The following SDCCAG8 variants were observed in gnomAD, a reference collection of about 807,000 sequenced individuals.
SDCCAG8 encodes SHH signaling and ciliogenesis regulator SDCCAG8.
Under a neutral mutation model 101.8 loss-of-function variants are expected in SDCCAG8, and 74 were observed. The observed-to-expected ratio is 0.73, with a 90% CI of 0.60 to 0.88. The LOEUF (loss-of-function observed/expected upper bound fraction) is 0.88, where lower values mean the gene tolerates loss of function less well. Among genes scored for constraint, SDCCAG8 ranks in the 40% least tolerant of loss-of-function variants. The pLI is 0.00. For missense variants in SDCCAG8, 787 were observed against 822.6 expected, an observed-to-expected ratio of 0.96 and a Z score of 0.53; for synonymous variants, 281 against 292.9, an observed-to-expected ratio of 0.96 and a Z score of 0.41.
At chr1:243,410,393 G>A (rs1404811519) in intron 13 of SDCCAG8, among the ~76,000 whole-genome samples, 4 of 152,118 alleles carry the variant, frequency 2.6e-5, no homozygotes, top group Non-Finnish European at 5.9e-5. Flanking sequence ...TGCCCCTTCT[G>A]TCTGTATTCC....
chr1:243,419,417 A>G (rs2080833784), intron 15 of SDCCAG8, among the ~76,000 whole-genome samples: 1 of 152,226 alleles, frequency 6.6e-6, no homozygotes, highest in Admixed American at 6.5e-5. Context: ...AAGCAAACAA[A>G]CAAGATTGTA....
intron 16 of SDCCAG8, among the ~76,000 whole-genome samples, chr1:243,427,903 T>C (rs542251585): frequency 1.3e-5 from 2 of 152,320 alleles, no homozygotes; most frequent in East Asian, 1.9e-4. Flanking sequence ...AGAGTAAATA[T>C]TTCGGACTTT....
intron 16 of SDCCAG8, among the ~76,000 whole-genome samples, chr1:243,486,956 G>C (rs1428314826): frequency 6.6e-6 from 1 of 152,250 alleles, no homozygotes; most frequent in Non-Finnish European, 1.5e-5. Flanking sequence ...TTAGCCAGTA[G>C]CTCTCTCCAC....
chr1:243,436,001 T>C (rs189446183), intron 16 of SDCCAG8, among the ~76,000 whole-genome samples: 11 of 152,302 alleles, frequency 7.2e-5, no homozygotes, highest in Non-Finnish European at 1.2e-4. Flanking sequence ...CAGAGTGGTA[T>C]AATTGTTACA....
At chr1:243,447,211 G>A (rs750591498) in intron 16 of SDCCAG8, among the ~76,000 whole-genome samples, 33 of 131,464 alleles carry the variant, frequency 2.5e-4, no homozygotes, top group Non-Finnish European at 3.8e-4. Context: ...ATCGCGCCAC[G>A]GCACTCCAGC....
intron 4 of SDCCAG8, among the ~76,000 whole-genome samples, chr1:243,278,962 A>T (rs755306562): frequency 3.2e-4 from 49 of 151,728 alleles, no homozygotes; most frequent in East Asian, 9.7e-4. Flanking sequence ...TATTATTATT[A>T]TTATTATTTG....
intron 12 of SDCCAG8, among the ~76,000 whole-genome samples, chr1:243,359,748 A>G (rs2076590567): frequency 6.6e-6 from 1 of 152,192 alleles, no homozygotes; most frequent in African/African-American, 2.4e-5. Flanking sequence ...CTGTTGATTG[A>G]GTGAATGCAT....
intron 16 of SDCCAG8, among the ~76,000 whole-genome samples, chr1:243,446,943 A>C (rs901475969): frequency 6.6e-6 from 1 of 152,096 alleles, no homozygotes; most frequent in African/African-American, 2.4e-5. Context: ...TGGGTTTAGG[A>C]AACTCTTGGA....
At chr1:243,447,419 G>A (rs889138993) in intron 16 of SDCCAG8, among the ~76,000 whole-genome samples, 3 of 151,980 alleles carry the variant, frequency 2.0e-5, no homozygotes, top group Admixed American at 6.6e-5. Context: ...TTATTTTGGG[G>A]GAGGAAGGGG....
chr1:243,307,413 G>A (rs1326307757), intron 7 of SDCCAG8: 1 of 982,916 alleles, frequency 1.0e-6, no homozygotes, highest in East Asian at 1.1e-4. Flanking sequence ...ACAGATCTTT[G>A]TAGAAGTTTG....
intron 3 of SDCCAG8, among the ~76,000 whole-genome samples, chr1:243,273,306 C>T (rs2068245573): frequency 6.6e-6 from 1 of 152,096 alleles, no homozygotes; most frequent in Admixed American, 6.5e-5. Context: ...TTCAAGCTTT[C>T]CTCTGGCTTT....
At chr1:243,459,953 C>T (rs1294059122) in intron 16 of SDCCAG8, among the ~76,000 whole-genome samples, 7 of 152,044 alleles carry the variant, frequency 4.6e-5, no homozygotes, top group East Asian at 1.9e-4. Flanking sequence ...TAAATGGTGA[C>T]GTGGTAATTC....
Position 243,261,858 on chromosome 1 carries a change from CTTTTTTT to C in SDCCAG8, c.67+5628_67+5634del, listed in dbSNP as rs371602212. On this transcript the variant is annotated intron_variant, in intron 1 of 17. Transcript: ENST00000366541. Reference sequence around the variant, plus strand: ...ATATATTCATGTGGCTTTTCTTTTTCTTTTTTTTTTTTTTTTAATCTCAGCTCACTGC... The same window carrying C: ...ATATATTCATGTGGCTTTTCTTTTTCTTTTTTTTTAATCTCAGCTCACTGC... 8.1e-5 allele frequency among the ~76,000 whole-genome samples: 11 copies of C among 136,370 alleles called. No homozygotes were observed. The Middle Eastern group carries it at 0.012, about 144-fold the overall frequency. 89.5% of individuals were successfully genotyped at this position (136,370 alleles called of 152,430 possible). A position where few individuals can be genotyped will look rare whatever the true frequency, so the allele number is the denominator to read the frequency against.
intron 15 of SDCCAG8, among the ~76,000 whole-genome samples, chr1:243,422,794 C>T (rs1044090117): frequency 1.3e-5 from 2 of 152,058 alleles, no homozygotes; most frequent in Middle Eastern, 3.4e-3. Context: ...CATTTTAATC[C>T]GAATTATAGT....
At chr1:243,496,453 C>T (rs1015992835) in intron 17 of SDCCAG8, among the ~76,000 whole-genome samples, 3 of 152,228 alleles carry the variant, frequency 2.0e-5, no homozygotes, top group African/African-American at 7.2e-5. Context: ...TCTCCAGTTA[C>T]AAATGGATGC....
At chr1:243,425,539 G>A (rs897541180) in intron 15 of SDCCAG8, among the ~76,000 whole-genome samples, 3 of 151,962 alleles carry the variant, frequency 2.0e-5, no homozygotes, top group African/African-American at 7.2e-5. Context: ...TTTATGTCAG[G>A]AGTCTTCAGA....
At chr1:243,439,679 T>G (rs1270044833) in intron 16 of SDCCAG8, among the ~76,000 whole-genome samples, 2 of 129,510 alleles carry the variant, frequency 1.5e-5, no homozygotes, top group Non-Finnish European at 3.3e-5. Context: ...ATTGGAGCTA[T>G]TCTGTAGAGA....
chr1:243,434,140 A>G (rs553070445), intron 16 of SDCCAG8, among the ~76,000 whole-genome samples: 44 of 151,558 alleles, frequency 2.9e-4, no homozygotes, highest in Middle Eastern at 6.8e-3. Context: ...TGTTTTGTTA[A>G]CCCCCTACGG....
At chr1:243,307,500 A>T in intron 7 of SDCCAG8, 1 of 984,260 alleles carries the variant, frequency 1.0e-6, no homozygotes, top group Non-Finnish European at 1.2e-6. Context: ...AGTCAAGGAT[A>T]AAAATCCATG....
Sources: gnomAD v4.1 joint callset for allele counts (sites outside exome capture counted in the v4.1 genomes callset) on GRCh38, gnomAD v4.1.1 for gene constraint, MANE v1.5 for transcripts, NCBI Gene and HGNC (gene_info 2026-07-23, HGNC 2026-07-21) for gene names.